Variants in HS6ST3 observed in about 807,000 individuals in gnomAD.
HS6ST3 encodes the protein heparan-sulfate 6-O-sulfotransferase 3.
Under a neutral mutation model 36.7 loss-of-function variants are expected in HS6ST3, and 12 were observed. The observed-to-expected ratio is 0.33, with a 90% confidence interval of 0.21 to 0.53. The LOEUF (loss-of-function observed/expected upper bound fraction) is 0.53, where lower values mean the gene tolerates loss of function less well. Among genes scored for constraint, HS6ST3 ranks in the 20% least tolerant of loss-of-function variants. HS6ST3 has a pLI of 0.95. For synonymous variants in HS6ST3, 240 were observed against 257.5 expected, an observed-to-expected ratio of 0.93 and a Z score of 0.65; for missense variants, 584 against 640.9, an observed-to-expected ratio of 0.91 and a Z score of 0.96.
At chr13:96,221,937 G>T (rs996302550) in intron 1 of HS6ST3, among the ~76,000 whole-genome samples, 12 of 152,176 alleles carry the variant, frequency 7.9e-5, no homozygotes, top group African/African-American at 2.7e-4. Flanking sequence ...AACCTTAGTT[G>T]TAATAAATGT....
chr13:96,173,785 A>G (rs2054199847), intron 1 of HS6ST3, among the ~76,000 whole-genome samples: 1 of 151,804 alleles, frequency 6.6e-6, no homozygotes, highest in Admixed American at 6.6e-5. Flanking sequence ...AAAAAAATCA[A>G]TTGAGGATTG....
chr13:96,632,476 C>T (rs2056535524), intron 1 of HS6ST3, among the ~76,000 whole-genome samples: 1 of 152,154 alleles, frequency 6.6e-6, no homozygotes, highest in Admixed American at 6.5e-5. Context: ...TGGATATCAG[C>T]TAATATGCTT....
intron 1 of HS6ST3, among the ~76,000 whole-genome samples, chr13:96,564,451 T>C (rs763020005): frequency 6.6e-6 from 1 of 152,230 alleles, no homozygotes; most frequent in Non-Finnish European, 1.5e-5. Flanking sequence ...GCACCTTGCA[T>C]AATGAATGTC....
chr13:96,733,279 G>A (rs1249361241), intron 1 of HS6ST3, among the ~76,000 whole-genome samples: 2 of 152,142 alleles, frequency 1.3e-5, no homozygotes, highest in African/African-American at 2.4e-5. Flanking sequence ...GTCATCTATC[G>A]ACTTTGTTGT....
chr13:96,140,093 G>A (rs922830884), intron 1 of HS6ST3, among the ~76,000 whole-genome samples: 1 of 151,994 alleles, frequency 6.6e-6, no homozygotes, highest in Non-Finnish European at 1.5e-5. Flanking sequence ...AATACAGATA[G>A]ATACCAGTCT....
At chr13:96,818,491 G>C (rs1176045141) in intron 1 of HS6ST3, among the ~76,000 whole-genome samples, 3 of 152,152 alleles carry the variant, frequency 2.0e-5, no homozygotes, top group Non-Finnish European at 2.9e-5. Context: ...CCTGCTTGTT[G>C]TTCCTAGCAT....
At chr13:96,271,974 C>T (rs141530861) in intron 1 of HS6ST3, among the ~76,000 whole-genome samples, 1 of 152,086 alleles carries the variant, frequency 6.6e-6, no homozygotes, top group Admixed American at 6.5e-5. Context: ...CTAACATTAG[C>T]ACCAGCACTT....
intron 1 of HS6ST3, among the ~76,000 whole-genome samples, chr13:96,304,737 A>C: frequency 9.7e-5 from 4 of 41,404 alleles, no homozygotes; most frequent in South Asian, 8.0e-4. Context: ...TTTTTACAGA[A>C]TCTCGCTCTG....
At chr13:96,405,524 A>G (rs1437791383) in intron 1 of HS6ST3, among the ~76,000 whole-genome samples, 2 of 152,212 alleles carry the variant, frequency 1.3e-5, no homozygotes, top group Admixed American at 1.3e-4. Flanking sequence ...ATATCAGTGA[A>G]TGGAATAAAA....
At chr13:96,681,766 G>A (rs1052130093) in intron 1 of HS6ST3, among the ~76,000 whole-genome samples, 2 of 151,984 alleles carry the variant, frequency 1.3e-5, no homozygotes. Flanking sequence ...AGTCTACATA[G>A]CCCAGTTTTT....
chr13:96,825,694 T>G (rs1878632441), intron 1 of HS6ST3, among the ~76,000 whole-genome samples: 3 of 152,212 alleles, frequency 2.0e-5, no homozygotes, highest in African/African-American at 7.2e-5. Context: ...ACAATCACAT[T>G]CAGAGCCTAC....
intron 1 of HS6ST3, among the ~76,000 whole-genome samples, chr13:96,297,086 A>AT (rs1299600494): frequency 2.0e-5 from 3 of 151,806 alleles, no homozygotes; most frequent in Admixed American, 6.6e-5. Flanking sequence ...ACTCTTTAGC[A>AT]TTTTTTTCAA....
intron 1 of HS6ST3, among the ~76,000 whole-genome samples, chr13:96,263,566 A>G (rs934330500): frequency 1.3e-5 from 2 of 152,264 alleles, no homozygotes; most frequent in African/African-American, 2.4e-5. Context: ...TCCTTAAGAC[A>G]TAAGAATATC....
intron 1 of HS6ST3, among the ~76,000 whole-genome samples, chr13:96,325,843 C>T (rs1031178575): frequency 4.6e-5 from 7 of 152,126 alleles, no homozygotes; most frequent in African/African-American, 9.7e-5. Flanking sequence ...CAGACTTTAA[C>T]GTTAGTAAGT....
intron 1 of HS6ST3, among the ~76,000 whole-genome samples, chr13:96,251,914 A>C (rs1006306252): frequency 2.0e-5 from 3 of 152,166 alleles, no homozygotes; most frequent in African/African-American, 7.2e-5. Context: ...GGTCAAGTAA[A>C]AGATACTTGT....
At chr13:96,755,025 G>C (rs1876789837) in intron 1 of HS6ST3, among the ~76,000 whole-genome samples, 1 of 151,530 alleles carries the variant, frequency 6.6e-6, no homozygotes, top group Non-Finnish European at 1.5e-5. Flanking sequence ...ACTAATGTTA[G>C]GACTGTGAGA....
intron 1 of HS6ST3, among the ~76,000 whole-genome samples, chr13:96,565,847 G>T (rs2056279176): frequency 6.6e-6 from 1 of 152,054 alleles, no homozygotes; most frequent in Admixed American, 6.6e-5. Flanking sequence ...GCCTTAAATG[G>T]AAATTGACAG....
At chr13:96,100,164 G>T (rs2053811042) in intron 1 of HS6ST3, among the ~76,000 whole-genome samples, 1 of 152,064 alleles carries the variant, frequency 6.6e-6, no homozygotes, top group Non-Finnish European at 1.5e-5. Flanking sequence ...ATAGAAGACA[G>T]AAATTTATCT....
At chr13:96,464,018 GGTTTTTTT>G (rs1487520199) in intron 1 of HS6ST3, among the ~76,000 whole-genome samples, 16 of 45,172 alleles carry the variant, frequency 3.5e-4, no homozygotes, top group Non-Finnish European at 7.3e-4. Context: ...CCCATAGACA[GGTTTTTTT>G]TTTTTTTTTT....
Sources: allele counts gnomAD v4.1 joint callset (sites outside exome capture counted in the v4.1 genomes callset), GRCh38; gene constraint gnomAD v4.1.1; transcripts MANE v1.5; gene names NCBI Gene and HGNC (gene_info 2026-07-23, HGNC 2026-07-21).